The following GABRA3 variants were observed in gnomAD, a reference collection of about 807,000 sequenced individuals.
The protein encoded by GABRA3 is gamma-aminobutyric acid receptor subunit alpha-3.
GABRA3 carries 10 observed loss-of-function variants against 30.1 expected under a neutral mutation model. The observed-to-expected ratio is 0.33, with a 90% CI of 0.20 to 0.56. The LOEUF (loss-of-function observed/expected upper bound fraction) is 0.56. GABRA3 is among the 20% of genes least tolerant of loss of function. GABRA3 has a pLI of 0.89. For missense variants in GABRA3, 233 were observed against 392.0 expected (o/e 0.59, Z 3.42); for synonymous variants, 151 against 146.8 (o/e 1.03, Z -0.21).
chrX:152,303,833 A>G (rs1438487721), intron 3 of GABRA3, among the ~76,000 whole-genome samples: 1 of 110,401 alleles, frequency 9.1e-6, no homozygotes, highest in East Asian at 2.9e-4. Context: ...CAACGGGGGG[A>G]GAGCATTAGG....
In GABRA3 at chrX:152,167,034, G is replaced by C. The variant is rs1322986564; in HGVS notation, c.*1194C>G. 2 of 111,183 alleles carry C rather than the reference G, an allele frequency of 1.8e-5. No individual in the cohort carries two copies. The highest frequency in any genetic ancestry group is 6.6e-5 in the African/African-American group (2 of 30,472). The allele number at this position is 111,183 out of a possible 1,213,427, so 9.2% of individuals were successfully genotyped here. ...CTCTAAATAATATATTATAAAATTGGCAATAAAGTTAATGATCTAGTTGAC... is the reference window on the plus strand; with the variant it reads ...CTCTAAATAATATATTATAAAATTGCCAATAAAGTTAATGATCTAGTTGAC... On this transcript the variant is annotated 3_prime_UTR_variant, in exon 10 of 10. Coordinates refer to ENST00000370314, the MANE Select transcript of GABRA3 (RefSeq NM_000808.4).
chrX:152,415,989 T>C (rs1414974551), intron 1 of GABRA3, among the ~76,000 whole-genome samples: 1 of 111,012 alleles, frequency 9.0e-6, no homozygotes, highest in Non-Finnish European at 1.9e-5. Flanking sequence ...GATTCATTTT[T>C]TAAAAAAATA....
intron 1 of GABRA3, among the ~76,000 whole-genome samples, chrX:152,375,261 A>G (rs1375447759): frequency 1.8e-5 from 2 of 111,618 alleles, no homozygotes; most frequent in Non-Finnish European, 1.9e-5. Flanking sequence ...CATGCTTTTC[A>G]TATCCCTCTA....
At chrX:152,328,698 C>T (rs1316559445) in intron 3 of GABRA3, among the ~76,000 whole-genome samples, 1 of 111,447 alleles carries the variant, frequency 9.0e-6, no homozygotes, top group Non-Finnish European at 1.9e-5. Context: ...TGGAATGTAT[C>T]TCAAAATAAT....
At chrX:152,401,289 C>A (rs12856448) in intron 1 of GABRA3, among the ~76,000 whole-genome samples, 4 of 82,912 alleles carry the variant, frequency 4.8e-5, no homozygotes, top group African/African-American at 2.4e-4. Context: ...TATATATATA[C>A]ACACACACAC....
chrX:152,323,652 C>A (rs954589421), intron 3 of GABRA3, among the ~76,000 whole-genome samples: 2 of 112,050 alleles, frequency 1.8e-5, no homozygotes, highest in South Asian at 3.7e-4. Context: ...ATATTCTTTT[C>A]TTCACATTCT....
chrX:152,231,244 T>C (rs950726349), intron 5 of GABRA3, among the ~76,000 whole-genome samples: 8 of 107,434 alleles, frequency 7.4e-5, no homozygotes, highest in Non-Finnish European at 1.6e-4. Context: ...CACATATGTA[T>C]ACATACACGT....
rs758529064 is a variant in GABRA3, at chrX:152,166,969, C to G, written c.*1259G>C. 1 of 110,446 alleles carries G rather than the reference C, an allele frequency of 9.1e-6. No homozygotes were observed. Among genetic ancestry groups the G allele is most frequent in the Admixed American group, 9.6e-5 (1 of 10,422 alleles). 9.1% of individuals were successfully genotyped at this position (110,446 alleles called of 1,213,427 possible). A position where few individuals can be genotyped will look rare whatever the true frequency, so the allele number is the denominator to read the frequency against. ...ACCTTATAAAAATTGCGTATTTATGCCTGTGTCTTTTACTCACATTAAGAT... is the reference window on the plus strand; with the variant it reads ...ACCTTATAAAAATTGCGTATTTATGGCTGTGTCTTTTACTCACATTAAGAT... On this transcript the variant is annotated 3_prime_UTR_variant, in exon 10 of 10. Transcript: ENST00000370314.
chrX:152,315,969 C>CG (rs1939869400), intron 3 of GABRA3, among the ~76,000 whole-genome samples: 30 of 30,786 alleles, frequency 9.7e-4, no homozygotes, highest in East Asian at 1.5e-3. Flanking sequence ...GCCCGCCCCC[C>CG]GACCCCCCCC....
intron 5 of GABRA3, among the ~76,000 whole-genome samples, chrX:152,229,129 C>T (rs185699974): frequency 2.7e-5 from 3 of 111,334 alleles, no homozygotes; most frequent in East Asian, 5.8e-4. Flanking sequence ...TCTCCCTCTT[C>T]ATGGATTCAT....
rs1569348571 is a variant in GABRA3, at chrX:152,182,674, C to CTATATATACATATATAGTG, written c.1143+7055_1143+7056insCACTATATATGTATATATA. Among the ~76,000 whole-genome samples the CTATATATACATATATAGTG allele has an allele frequency of 5.3e-3, 95 of 17,975 alleles. 3 individuals are homozygous for CTATATATACATATATAGTG. Among genetic ancestry groups the CTATATATACATATATAGTG allele is most frequent in the South Asian group, 6.6e-3 (1 of 151 alleles). 15.6% of individuals were successfully genotyped at this position (17,975 alleles called of 115,157 possible). On this transcript the variant is annotated intron_variant, in intron 9 of 9. Transcript: ENST00000370314. Reference sequence around the variant, plus strand: ...TATACATATATAGTGTATATATACACTATATATACACTATATATGTATATA... The same window carrying CTATATATACATATATAGTG: ...TATACATATATAGTGTATATATACACTATATATACATATATAGTGTATATATACACTATATATGTATATA...
chrX:152,345,529 A>T lies in GABRA3; in HGVS notation c.262+52T>A, dbSNP rs1940377805. On this transcript the variant is annotated intron_variant, in intron 3 of 9. Transcript: ENST00000370314. ...ACCTTATAACTGTTTTTAGATAACA[A>T]TGGCCAAGAAGAAGATCTGAAAAGG... 5.2e-6 allele frequency: 6 copies of T among 1,159,441 alleles called. No individual in the cohort carries two copies. In the South Asian group the frequency reaches 1.2e-4, roughly 23 times the overall value.
chrX:152,230,955 CTT>C (rs753004655), intron 5 of GABRA3, among the ~76,000 whole-genome samples: 3 of 110,268 alleles, frequency 2.7e-5, no homozygotes, highest in South Asian at 3.8e-4. Context: ...ATAAATTAGA[CTT>C]CATAAAAATT....
intron 9 of GABRA3, among the ~76,000 whole-genome samples, chrX:152,184,186 A>T (rs1937223348): frequency 9.0e-6 from 1 of 111,457 alleles, no homozygotes; most frequent in Admixed American, 9.6e-5. Flanking sequence ...TGTTTTTCTT[A>T]CGTTCTCTTT....
At chrX:152,445,961 G>A (rs1886875458) in intron 1 of GABRA3, among the ~76,000 whole-genome samples, 1 of 111,776 alleles carries the variant, frequency 8.9e-6, no homozygotes, top group Admixed American at 9.5e-5. Context: ...TGGAGGACCT[G>A]GGAAAGGCAC....
intron 1 of GABRA3, among the ~76,000 whole-genome samples, chrX:152,399,332 T>C (rs1013267381): frequency 7.1e-4 from 79 of 111,649 alleles, no homozygotes; most frequent in African/African-American, 2.3e-3. Context: ...TGGAAAGAAA[T>C]GCTAATTATT....
intron 3 of GABRA3, among the ~76,000 whole-genome samples, chrX:152,305,775 A>T (rs1244417975): frequency 1.8e-5 from 2 of 111,544 alleles, no homozygotes; most frequent in Non-Finnish European, 3.8e-5. Flanking sequence ...ATTAAATATT[A>T]AAGTGAAAAT....
intron 1 of GABRA3, among the ~76,000 whole-genome samples, chrX:152,424,243 C>G (rs1461225649): frequency 1.8e-5 from 2 of 110,565 alleles, no homozygotes; most frequent in African/African-American, 3.3e-5. Context: ...TCACATCTCC[C>G]TTTCCAACAG....
At chrX:152,441,967 T>C (rs1002566120) in intron 1 of GABRA3, among the ~76,000 whole-genome samples, 1 of 111,510 alleles carries the variant, frequency 9.0e-6, no homozygotes, top group African/African-American at 3.3e-5. Flanking sequence ...GAGGAAAAGA[T>C]TGATAAACCT....
Sources: gnomAD v4.1 joint callset for allele counts (sites outside exome capture counted in the v4.1 genomes callset) on GRCh38, gnomAD v4.1.1 for gene constraint, MANE v1.5 for transcripts, NCBI Gene and HGNC (gene_info 2026-07-23, HGNC 2026-07-21) for gene names.